Variants in BICC1 observed in about 807,000 individuals in gnomAD.
BICC1 encodes BicC family RNA binding protein 1.
In BICC1, 43 loss-of-function variants were observed where a neutral mutation model predicts 111.0. That is an observed-to-expected ratio of 0.39 (90% CI 0.30 to 0.50). The LOEUF (loss-of-function observed/expected upper bound fraction) is 0.50, where lower values mean the gene tolerates loss of function less well. BICC1 is among the 20% of genes least tolerant of loss of function. The pLI is 0.88. For missense variants in BICC1, 1,091 were observed against 1,203.2 expected, an observed-to-expected ratio of 0.91 and a Z score of 1.38; for synonymous variants, 467 against 434.4, an observed-to-expected ratio of 1.07 and a Z score of -0.93.
intron 1 of BICC1, among the ~76,000 whole-genome samples, chr10:58,588,569 T>A (rs1844503074): frequency 6.6e-6 from 1 of 152,096 alleles, no homozygotes; most frequent in Admixed American, 6.6e-5. Context: ...AAGAAAGGCA[T>A]TTCTTGTATT....
intron 10 of BICC1, 44 bp from the exon 11 acceptor site, chr10:58,798,355 T>C: frequency 6.2e-6 from 9 of 1,442,320 alleles, no homozygotes; most frequent in Non-Finnish European, 8.4e-6. Context: ...TATTTTAAAA[T>C]CTTAAATTTA....
intron 1 of BICC1, among the ~76,000 whole-genome samples, chr10:58,524,105 T>C (rs960222726): frequency 6.6e-6 from 1 of 151,958 alleles, no homozygotes; most frequent in Non-Finnish European, 1.5e-5. Flanking sequence ...GACTCAATAT[T>C]GTGAAAATGG....
intron 3 of BICC1, among the ~76,000 whole-genome samples, chr10:58,762,415 C>CAT (rs1308451639): frequency 1.3e-5 from 2 of 152,112 alleles, no homozygotes; most frequent in African/African-American, 4.8e-5. Flanking sequence ...ATATCTAAAG[C>CAT]ATATAGTGGT....
chr10:58,766,135 A>G (rs1015350650), intron 3 of BICC1, among the ~76,000 whole-genome samples: 4 of 152,184 alleles, frequency 2.6e-5, no homozygotes, highest in African/African-American at 4.8e-5. Flanking sequence ...CTGGCAGGAC[A>G]GTGGTATCAC....
chr10:58,611,607 C>G (rs761555977), intron 1 of BICC1, among the ~76,000 whole-genome samples: 17 of 151,834 alleles, frequency 1.1e-4, no homozygotes, highest in Admixed American at 2.6e-4. Flanking sequence ...TCCCAAGTAG[C>G]TGGGATTACA....
intron 1 of BICC1, among the ~76,000 whole-genome samples, chr10:58,579,493 C>A (rs952692489): frequency 1.3e-5 from 2 of 152,130 alleles, no homozygotes; most frequent in Non-Finnish European, 2.9e-5. Context: ...TCACCATGAT[C>A]AGATCCCGGA....
At chr10:58,683,378 A>C (rs1214050739) in intron 2 of BICC1, among the ~76,000 whole-genome samples, 1 of 151,900 alleles carries the variant, frequency 6.6e-6, no homozygotes, top group Non-Finnish European at 1.5e-5. Flanking sequence ...TCTTTTTTGG[A>C]TCCATATGAA....
chr10:58,798,681 T>A, intron 11 of BICC1, 121 bp downstream of exon 11: 1 of 898,850 alleles, frequency 1.1e-6, no homozygotes, highest in Non-Finnish European at 1.6e-6. Flanking sequence ...CATACTCCAT[T>A]GAAACAGAAA....
chr10:58,626,620 G>A (rs1837636563), intron 2 of BICC1, among the ~76,000 whole-genome samples: 1 of 152,262 alleles, frequency 6.6e-6, no homozygotes, highest in South Asian at 2.1e-4. Flanking sequence ...TTTGAACACA[G>A]GAAGACTGGG....
intron 16 of BICC1, among the ~76,000 whole-genome samples, 170 bp from the exon 17 acceptor site, chr10:58,806,834 C>T (rs1181166551): frequency 6.6e-6 from 1 of 152,032 alleles, no homozygotes; most frequent in Non-Finnish European, 1.5e-5. Context: ...TTTCATTTAT[C>T]ATTACTTGGA....
At position 58,828,918 on chromosome 10, in the gene BICC1, G is replaced by C; in HGVS notation, c.*27G>C. On this transcript the variant is annotated 3_prime_UTR_variant, in exon 21 of 21. Transcript: ENST00000373886. ...AGCACCCTCTTGGCACATGCCCGCT[G>C]ACTAACTGTAAAGTGGACACAGGAG... 6.2e-7 allele frequency: 1 copy of C among 1,612,684 alleles called. No individual in the cohort carries two copies. Among genetic ancestry groups the C allele is most frequent in the South Asian group, 1.1e-5 (1 of 90,940 alleles).
chr10:58,724,439 A>T (rs1250342262), intron 3 of BICC1, among the ~76,000 whole-genome samples: 2 of 152,034 alleles, frequency 1.3e-5, no homozygotes, highest in African/African-American at 4.8e-5. Flanking sequence ...ATATACAAAT[A>T]CTTAAGTGCT....
chr10:58,555,433 G>A (rs1843423697), intron 1 of BICC1, among the ~76,000 whole-genome samples: 1 of 150,896 alleles, frequency 6.6e-6, no homozygotes, highest in Non-Finnish European at 1.5e-5. Context: ...AGTAGTACTG[G>A]TGGAAATCTT....
chr10:58,767,227 G>A (rs1372734948), intron 3 of BICC1, among the ~76,000 whole-genome samples: 1 of 152,094 alleles, frequency 6.6e-6, no homozygotes. Context: ...TTGGAGGAAG[G>A]TACATAAACT....
At chr10:58,526,760 T>C (rs571873893) in intron 1 of BICC1, among the ~76,000 whole-genome samples, 8 of 152,198 alleles carry the variant, frequency 5.3e-5, no homozygotes, top group African/African-American at 1.9e-4. Context: ...CATGAACTCA[T>C]CCTTTTTTAT....
At chr10:58,578,047 A>G (rs2132001120) in intron 1 of BICC1, among the ~76,000 whole-genome samples, 1 of 152,326 alleles carries the variant, frequency 6.6e-6, no homozygotes, top group East Asian at 1.9e-4. Flanking sequence ...TCTCTAAATG[A>G]TGACAAAAGC....
At chr10:58,636,634 G>C (rs1054489385) in intron 2 of BICC1, among the ~76,000 whole-genome samples, 1 of 151,938 alleles carries the variant, frequency 6.6e-6, no homozygotes, top group Non-Finnish European at 1.5e-5. Flanking sequence ...TTCATGCCAG[G>C]CTGTCATTTT....
chr10:58,629,598 G>A (rs1837733651), intron 2 of BICC1, among the ~76,000 whole-genome samples: 1 of 152,106 alleles, frequency 6.6e-6, no homozygotes, highest in Non-Finnish European at 1.5e-5. Context: ...TATGGATTTT[G>A]TAGTACTTTG....
chr10:58,824,533 C>T (rs1385787474), intron 20 of BICC1, among the ~76,000 whole-genome samples: 2 of 152,084 alleles, frequency 1.3e-5, no homozygotes, highest in Non-Finnish European at 2.9e-5. Flanking sequence ...CAGAACTTGG[C>T]CATAGGAGTG....
Sources: allele counts gnomAD v4.1 joint callset (sites outside exome capture counted in the v4.1 genomes callset), GRCh38; gene constraint gnomAD v4.1.1; transcripts MANE v1.5; gene names NCBI Gene and HGNC (gene_info 2026-07-23, HGNC 2026-07-21).